USP13: variants seen among roughly 807,000 people sequenced by gnomAD.
The protein encoded by USP13 is ubiquitin specific peptidase 13.
Under a neutral mutation model 107.8 loss-of-function variants are expected in USP13, and 68 were observed. The ratio of observed to expected loss-of-function variants is 0.63; its 90% confidence interval spans 0.52 to 0.77. USP13 has a LOEUF of 0.77. Ranked by LOEUF, USP13 falls within the 30% of genes least tolerant of loss-of-function variation. The pLI is 0.00. For synonymous variants in USP13, 377 were observed against 389.5 expected (o/e 0.97, Z 0.38); for missense variants, 945 against 1,093.3 (o/e 0.86, Z 1.91).
intron 3 of USP13, among the ~76,000 whole-genome samples, chr3:179,696,833 TC>T (rs1403425981): frequency 6.6e-6 from 1 of 152,114 alleles, no homozygotes; most frequent in African/African-American, 2.4e-5. Flanking sequence ...GTAAGGGAGT[TC>T]TGGATCCTTC....
intron 19 of USP13, among the ~76,000 whole-genome samples, chr3:179,770,109 C>T (rs79722830): frequency 0.029 from 4,385 of 152,120 alleles, 133 homozygotes; most frequent in Middle Eastern, 0.14. Flanking sequence ...TTTTTCTTCT[C>T]GTGTTAACAG....
At chr3:179,728,133 C>G (rs1460302016) in intron 8 of USP13, among the ~76,000 whole-genome samples, 1 of 121,162 alleles carries the variant, frequency 8.3e-6, no homozygotes, top group Non-Finnish European at 1.9e-5. Flanking sequence ...CTCCTCACTT[C>G]CCAGTAGGGG....
intron 4 of USP13, among the ~76,000 whole-genome samples, chr3:179,702,304 C>A (rs1455337242): frequency 6.6e-6 from 1 of 152,178 alleles, no homozygotes; most frequent in African/African-American, 2.4e-5. Flanking sequence ...TAGGCGTGAG[C>A]CACCGCGCCC....
Position 179,678,675 on chromosome 3 carries a change from G to A in USP13, c.169-3203G>A, listed in dbSNP as rs1284078238. On this transcript the variant is annotated intron_variant, in intron 1 of 20. Transcript: ENST00000263966. This position sits in a 1 kb window ranked among gnomAD's most constrained non-coding sequence, Gnocchi z 4.2. ...GGGTTTCTCCATGTTGCCCAGACTG[G>A]TCTTGAACTCCTGGGCTCAAACAAT... Among the ~76,000 whole-genome samples the A allele has an allele frequency of 6.6e-6, 1 of 152,070 alleles. No individual in the cohort carries two copies. Among genetic ancestry groups the A allele is most frequent in the Non-Finnish European group, 1.5e-5 (1 of 68,032 alleles).
rs917078537 is a variant in USP13, at chr3:179,784,201, A to G, written c.*60A>G. ...ACGCCTTTTTAATTTGCCAAAAAAA[A>G]AAAGAAGAAGAAGAAGTTGAAACAA... On this transcript the variant is annotated 3_prime_UTR_variant, in exon 21 of 21. Transcript: ENST00000263966. 12 of 1,340,164 alleles carry G rather than the reference A, an allele frequency of 9.0e-6. No homozygotes were observed. Among genetic ancestry groups the G allele is most frequent in the African/African-American group, 1.5e-5 (1 of 67,594 alleles). The allele number at this position is 1,340,164 out of a possible 1,614,324, so 83.0% of individuals were successfully genotyped here.
chr3:179,700,279 AC>A (rs1192249744), intron 3 of USP13, among the ~76,000 whole-genome samples: 1 of 152,124 alleles, frequency 6.6e-6, no homozygotes, highest in Non-Finnish European at 1.5e-5. Flanking sequence ...TAGGGCTTCC[AC>A]CTCGGATCTA....
At chr3:179,722,860 T>C (rs1713374706) in intron 8 of USP13, among the ~76,000 whole-genome samples, 1 of 152,188 alleles carries the variant, frequency 6.6e-6, no homozygotes, top group South Asian at 2.1e-4. Flanking sequence ...GAGGCACTGA[T>C]TTAGGTGCTC....
chr3:179,694,274 C>T (rs1374218079), intron 3 of USP13, among the ~76,000 whole-genome samples: 2 of 152,088 alleles, frequency 1.3e-5, no homozygotes, highest in Admixed American at 6.6e-5. Flanking sequence ...TGTGCCCGGC[C>T]GATTCTGGTA....
intron 6 of USP13, among the ~76,000 whole-genome samples, chr3:179,712,809 C>T (rs1712977623): frequency 6.6e-6 from 1 of 151,878 alleles, no homozygotes; most frequent in Non-Finnish European, 1.5e-5. Context: ...AATTTACATT[C>T]CCATCAACAG....
chr3:179,766,981 CTT>C (rs1477095025), intron 19 of USP13, among the ~76,000 whole-genome samples: 1 of 152,182 alleles, frequency 6.6e-6, no homozygotes, highest in East Asian at 1.9e-4. Context: ...TAGCCACACT[CTT>C]AGCCTACTCA....
intron 8 of USP13, among the ~76,000 whole-genome samples, chr3:179,722,259 C>T (rs1459546557): frequency 6.6e-6 from 1 of 152,072 alleles, no homozygotes; most frequent in Non-Finnish European, 1.5e-5. Context: ...GTTAGTGTCT[C>T]TCTTGTGGGG....
intron 1 of USP13, among the ~76,000 whole-genome samples, chr3:179,676,898 G>A (rs1711504000): frequency 6.6e-6 from 1 of 152,038 alleles, no homozygotes; most frequent in African/African-American, 2.4e-5. Flanking sequence ...TCGCTCTATT[G>A]CGCAGGCTGG....
intron 6 of USP13, among the ~76,000 whole-genome samples, chr3:179,716,805 C>T (rs976473823): frequency 3.3e-5 from 5 of 152,188 alleles, no homozygotes; most frequent in Non-Finnish European, 1.5e-5. Context: ...CTATCTCTGT[C>T]TCTGCTCTCT....
At position 179,678,253 on chromosome 3, in the gene USP13, A is replaced by G. The variant is rs1711535897; in HGVS notation, c.169-3625A>G. Among the ~76,000 whole-genome samples, 1 of 152,210 alleles carries G rather than the reference A, an allele frequency of 6.6e-6. No homozygotes were observed. Among genetic ancestry groups the G allele is most frequent in the African/African-American group, 2.4e-5 (1 of 41,460 alleles). On this transcript the variant is annotated intron_variant, in intron 1 of 20. Transcript: ENST00000263966. The surrounding 1 kb of genome is among the most constrained non-coding windows in gnomAD (Gnocchi z 4.2). ...CAATGGATTTAATGAATAATTGACT[A>G]TTATAGTGATGCAGTATGTTTTTCT...
chr3:179,681,764 TG>T, intron 1 of USP13, 113 bp from the exon 2 acceptor site: 1 of 1,356,068 alleles, frequency 7.4e-7, no homozygotes, highest in Non-Finnish European at 1.0e-6. Flanking sequence ...GGAGCCTCGG[TG>T]GCCCTTTGCC....
intron 9 of USP13, 49 bp from the exon 10 acceptor site, chr3:179,730,567 T>G: frequency 6.8e-7 from 1 of 1,480,952 alleles, no homozygotes; most frequent in Non-Finnish European, 9.3e-7. Context: ...AATATTACTA[T>G]GGAAAAACAA....
intron 6 of USP13, among the ~76,000 whole-genome samples, chr3:179,714,239 G>A (rs1408814335): frequency 6.6e-6 from 1 of 152,204 alleles, no homozygotes; most frequent in Non-Finnish European, 1.5e-5. Context: ...AGGCAGCTGT[G>A]AAATTGCCTC....
At chr3:179,761,497 G>A (rs765566043) in intron 17 of USP13, among the ~76,000 whole-genome samples, 8 of 152,118 alleles carry the variant, frequency 5.3e-5, no homozygotes, top group Non-Finnish European at 1.2e-4. Flanking sequence ...GCCAAGGCAG[G>A]CGGATCACGA....
rs115755648 is a variant in USP13, at chr3:179,721,509, G to C, written c.1008G>C (p.Thr336=). The part of the protein sequence containing the change: ...KLKPMYGPGY[T]GLKNLGNSCY... ...AGCCAATGTATGGTCCTGGCTACAC[G>C]GGTCTGAAGAACCTGGGCAACAGCT... is the stretch of plus-strand genomic sequence containing the variant. Residue 336 remains threonine (T), a synonymous_variant, in exon 8 of 21, where the codon ACG becomes ACC. Coordinates refer to ENST00000263966, the MANE Select transcript of USP13 (RefSeq NM_003940.3). The surrounding 1 kb of genome is among the most constrained non-coding windows in gnomAD (Gnocchi z 4.3). 6.2e-7 allele frequency: 1 copy of C among 1,614,126 alleles called. No individual in the cohort carries two copies. Among genetic ancestry groups the C allele is most frequent in the Non-Finnish European group, 8.5e-7 (1 of 1,180,026 alleles).
Sources: gnomAD v4.1 joint callset for allele counts (sites outside exome capture counted in the v4.1 genomes callset) on GRCh38, gnomAD v4.1.1 for gene constraint, Gnocchi (gnomAD v3.1) non-coding constraint, MANE v1.5 for transcripts, NCBI Gene and HGNC (gene_info 2026-07-23, HGNC 2026-07-21) for gene names.